The following DAB1 variants were observed in gnomAD, a reference collection of about 807,000 sequenced individuals.
DAB1 encodes the protein DAB adaptor protein 1.
A neutral mutation model predicts 64.6 loss-of-function variants in DAB1; 15 were observed. The ratio of observed to expected loss-of-function variants is 0.23; its 90% confidence interval spans 0.16 to 0.36. DAB1 has a LOEUF of 0.36. DAB1 is among the 10% of genes least tolerant of loss of function. DAB1 has a pLI of 1.00. For missense variants in DAB1, 596 were observed against 706.7 expected (o/e 0.84, Z 1.78); for synonymous variants, 235 against 251.9 (o/e 0.93, Z 0.64).
chr1:57,674,420 T>C (rs144608227), intron 6 of DAB1, among the ~76,000 whole-genome samples: 127 of 152,330 alleles, frequency 8.3e-4, no homozygotes, highest in African/African-American at 2.9e-3. Flanking sequence ...TGAGCTTCTT[T>C]GGCAAGCACA....
At chr1:58,142,027 C>T (rs1304549624) in intron 5 of DAB1, among the ~76,000 whole-genome samples, 2 of 152,102 alleles carry the variant, frequency 1.3e-5, no homozygotes, top group Non-Finnish European at 2.9e-5. Context: ...GGTTCTCCTG[C>T]CCCTCTCTGC....
rs186846799 is a variant in DAB1 at position 58,147,415 on chromosome 1, G to A, written n.387+3096C>T. Among the ~76,000 whole-genome samples, 662 of 151,220 alleles carry A rather than the reference G, an allele frequency of 4.4e-3. 2 individuals are homozygous for A. Among genetic ancestry groups the A allele is most frequent in the Non-Finnish European group, 7.2e-3 (491 of 67,900 alleles). ...AGGCGGATCACGAGGTCAGGAGATC[G>A]AGACCATCCTGGCTAACATAGTGAA... On this transcript the variant is annotated intron_variant and non_coding_transcript_variant, in intron 5 of 20. Coordinates refer to the DAB1 transcript ENST00000485760.
rs536340411 is a variant in DAB1, at chr1:57,675,091, G to C, written n.552-25426C>G. Reference sequence around the variant, plus strand: ...GTGGCATTACAATTTCTATGAAGCAGGAAGCCCAGAGATCCTGGATTCTCA... The same window carrying C: ...GTGGCATTACAATTTCTATGAAGCACGAAGCCCAGAGATCCTGGATTCTCA... On this transcript the variant is annotated intron_variant and non_coding_transcript_variant, in intron 6 of 20. Coordinates refer to the DAB1 transcript ENST00000485760. Among the ~76,000 whole-genome samples, 3 of 152,284 alleles carry C rather than the reference G, an allele frequency of 2.0e-5. No individual in the cohort carries two copies. In the South Asian group the frequency reaches 6.2e-4, roughly 32 times the overall value.
intron 2 of DAB1, among the ~76,000 whole-genome samples, chr1:57,197,654 G>A (rs6697858): frequency 0.027 from 4,086 of 152,206 alleles, 90 homozygotes; most frequent in African/African-American, 0.061. Flanking sequence ...CCAAATCCAC[G>A]GACTACTCAG....
At chr1:58,117,785 G>T (rs982147379) in intron 5 of DAB1, among the ~76,000 whole-genome samples, 1 of 151,778 alleles carries the variant, frequency 6.6e-6, no homozygotes, top group Non-Finnish European at 1.5e-5. Context: ...GGATAGCCAT[G>T]CTTCACTGTG....
intron 6 of DAB1, among the ~76,000 whole-genome samples, chr1:57,778,938 C>CT (rs1279222956): frequency 6.6e-6 from 1 of 151,742 alleles, no homozygotes; most frequent in African/African-American, 2.4e-5. Flanking sequence ...CTTTCCTTCC[C>CT]TCCCTCCCTT....
intron 14 of DAB1, among the ~76,000 whole-genome samples, chr1:57,000,169 G>C (rs532375674): frequency 3.3e-5 from 5 of 149,826 alleles, no homozygotes; most frequent in African/African-American, 1.2e-4. Context: ...TCAGCCTCCC[G>C]TGTAGCTGGG....
upstream of DAB1, among the ~76,000 whole-genome samples, chr1:57,424,817 G>C (rs1411617018): frequency 3.9e-5 from 6 of 152,140 alleles, no homozygotes; most frequent in African/African-American, 1.4e-4. Flanking sequence ...TCAAGTTTCC[G>C]TCAGTCCTCA....
chr1:57,092,592 G>A (rs1653789670), intron 4 of DAB1, among the ~76,000 whole-genome samples: 1 of 149,410 alleles, frequency 6.7e-6, no homozygotes, highest in Admixed American at 6.8e-5. Flanking sequence ...GTGAAACTGT[G>A]AGTCAATGAA....
intron 9 of DAB1, among the ~76,000 whole-genome samples, chr1:57,034,141 G>A (rs750825705): frequency 2.0e-5 from 3 of 152,038 alleles, no homozygotes; most frequent in Non-Finnish European, 2.9e-5. Flanking sequence ...TTAGCCAGAC[G>A]TGATGGCAGG....
At chr1:57,071,725 G>T (rs528736645) in intron 5 of DAB1, 84 bp from the exon 6 acceptor site, 30 of 1,307,216 alleles carry the variant, frequency 2.3e-5, no homozygotes, top group Admixed American at 7.3e-5. Flanking sequence ...GCGACAACCC[G>T]CAGCCCTTCC....
At chr1:57,530,392 T>C (rs992556253) in intron 7 of DAB1, among the ~76,000 whole-genome samples, 1 of 152,202 alleles carries the variant, frequency 6.6e-6, no homozygotes, top group Admixed American at 6.5e-5. Flanking sequence ...GTTGGGCACA[T>C]GAACCAATAT....
intron 5 of DAB1, among the ~76,000 whole-genome samples, chr1:57,947,668 C>T (rs1197404681): frequency 8.1e-6 from 1 of 123,800 alleles, no homozygotes; most frequent in African/African-American, 2.6e-5. Context: ...ACAGGAAATG[C>T]AAAGATCATG....
At chr1:58,307,394 C>T (rs1248665429) in intron 4 of DAB1, among the ~76,000 whole-genome samples, 6 of 152,092 alleles carry the variant, frequency 3.9e-5, no homozygotes, top group Non-Finnish European at 8.8e-5. Flanking sequence ...GGTCGACAGA[C>T]ATAGACACAC....
At chr1:57,393,717 A>G (rs886785071) in intron 1 of DAB1, among the ~76,000 whole-genome samples, 1 of 152,096 alleles carries the variant, frequency 6.6e-6, no homozygotes, top group African/African-American at 2.4e-5. Flanking sequence ...CGGTGGGCCA[A>G]ATCTGGATGG....
At chr1:57,614,036 T>A (rs777760650) in intron 7 of DAB1, among the ~76,000 whole-genome samples, 1 of 152,144 alleles carries the variant, frequency 6.6e-6, no homozygotes, top group Non-Finnish European at 1.5e-5. Context: ...GGACCTGGCA[T>A]GTTGCATAAA....
chr1:57,285,227 A>G (rs1232749368), intron 2 of DAB1, among the ~76,000 whole-genome samples: 1 of 152,072 alleles, frequency 6.6e-6, no homozygotes, highest in Non-Finnish European at 1.5e-5. Context: ...GCAGACCCCA[A>G]GCTAGCTCTT....
chr1:57,253,266 T>G (rs1410176561), intron 2 of DAB1, among the ~76,000 whole-genome samples: 2 of 152,120 alleles, frequency 1.3e-5, no homozygotes, highest in African/African-American at 4.8e-5. Context: ...ACCGGCTGAG[T>G]GACTGTTAGT....
chr1:57,364,910 G>C (rs1679852903), intron 1 of DAB1, among the ~76,000 whole-genome samples: 1 of 148,830 alleles, frequency 6.7e-6, no homozygotes, highest in Non-Finnish European at 1.5e-5. Context: ...CAAAATTCAG[G>C]TTAGAAGTTA....
Sources: gnomAD v4.1 joint callset for allele counts (sites outside exome capture counted in the v4.1 genomes callset) on GRCh38, gnomAD v4.1.1 for gene constraint, MANE v1.5 for transcripts, NCBI Gene and HGNC (gene_info 2026-07-23, HGNC 2026-07-21) for gene names.